MEGF10: variants seen among roughly 807,000 people sequenced by gnomAD.
MEGF10 encodes the protein multiple epidermal growth factor-like domains protein 10.
A neutral mutation model predicts 147.5 loss-of-function variants in MEGF10; 86 were observed. The ratio of observed to expected loss-of-function variants is 0.58; its 90% CI spans 0.49 to 0.70. The LOEUF (loss-of-function observed/expected upper bound fraction) is 0.70, where lower values mean the gene tolerates loss of function less well. Ranked by LOEUF, MEGF10 falls within the 30% of genes least tolerant of loss-of-function variation. The probability of loss-of-function intolerance (pLI) is 0.00; values close to 1 mark genes in which losing one functional copy is unlikely to be tolerated. For synonymous variants in MEGF10, 478 were observed against 525.5 expected, an observed-to-expected ratio of 0.91 and a Z score of 1.24; for missense variants, 1,329 against 1,487.3, an observed-to-expected ratio of 0.89 and a Z score of 1.75.
chr5:127,419,847 T>A lies in MEGF10; in HGVS notation c.1427-197T>A, dbSNP rs6889554. ...TCCTCGACAGATCACACAACACACA[T>A]GGCTGTTTGGGTCGTCAGGGGTGCC... On this transcript the variant is annotated intron_variant, in intron 11 of 24. Transcript: ENST00000503335. Among the ~76,000 whole-genome samples the A allele has an allele frequency of 4.7e-3, 710 of 152,260 alleles. 7 individuals carry two copies. Among genetic ancestry groups the A allele is most frequent in the African/African-American group, 0.016 (675 of 41,562 alleles).
the MEGF10 span, among the ~76,000 whole-genome samples, chr5:127,241,465 G>A: frequency 0.5 from 76,090 of 151,916 alleles, 19,289 homozygotes; most frequent in Middle Eastern, 0.61. Context: ...CAGATGGGGT[G>A]AAAGGCTCCA....
chr5:127,419,418 C>G (rs1764899921), intron 11 of MEGF10, among the ~76,000 whole-genome samples, 178 bp downstream of exon 11: 2 of 152,170 alleles, frequency 1.3e-5, no homozygotes, highest in Admixed American at 1.3e-4. Context: ...AGGGAAGAGG[C>G]TCACATTAGA....
chr5:127,432,161 T>G (rs1239852064), intron 13 of MEGF10, among the ~76,000 whole-genome samples: 6 of 152,150 alleles, frequency 3.9e-5, no homozygotes, highest in African/African-American at 1.2e-4. Flanking sequence ...TTCTTGCCTA[T>G]TTAATGGCCT....
intron 12 of MEGF10, among the ~76,000 whole-genome samples, chr5:127,421,823 T>G (rs1765016549): frequency 6.6e-6 from 1 of 151,070 alleles, no homozygotes; most frequent in South Asian, 2.1e-4. Context: ...ACTATAATTT[T>G]TAAGATTAGT....
intron 18 of MEGF10, among the ~76,000 whole-genome samples, chr5:127,441,880 G>A (rs1765769363): frequency 6.6e-6 from 1 of 152,130 alleles, no homozygotes; most frequent in Non-Finnish European, 1.5e-5. Context: ...CTAAACCCTA[G>A]GGTATTTTTG....
intron 9 of MEGF10, among the ~76,000 whole-genome samples, chr5:127,414,594 A>G (rs1428935909): frequency 6.6e-6 from 1 of 152,176 alleles, no homozygotes; most frequent in African/African-American, 2.4e-5. Context: ...CTTTGTATAC[A>G]TATATACTGA....
chr5:127,243,482 A>C, the MEGF10 span, among the ~76,000 whole-genome samples: 2 of 152,198 alleles, frequency 1.3e-5, no homozygotes, highest in African/African-American at 4.8e-5. Context: ...GAGTATGTCC[A>C]ATTTTTCTTT....
chr5:127,272,843 T>C, the MEGF10 span, among the ~76,000 whole-genome samples: 1 of 152,094 alleles, frequency 6.6e-6, no homozygotes, highest in Non-Finnish European at 1.5e-5. Flanking sequence ...GATGATAGGG[T>C]TTTCTAGATA....
intron 1 of MEGF10, among the ~76,000 whole-genome samples, chr5:127,324,943 T>G (rs1180676775): frequency 6.6e-6 from 1 of 152,170 alleles, no homozygotes. Context: ...TTTATCCAGG[T>G]GTGATGCTGA....
In MEGF10 at chr5:127,383,805, G is replaced by A. The variant is rs188353808; in HGVS notation, c.413-12727G>A. ...AGTTAAGTCTCTGCTGTGGGTACAT[G>A]AGCCTTTGTTATAGCATTATTCGTA... is the stretch of plus-strand genomic sequence containing the variant. On this transcript the variant is annotated intron_variant, in intron 5 of 24. Transcript: ENST00000503335. Among the ~76,000 whole-genome samples the A allele has an allele frequency of 6.5e-3, 984 of 152,232 alleles. 10 individuals are homozygous for A. Among genetic ancestry groups the A allele is most frequent in the African/African-American group, 0.022 (930 of 41,532 alleles).
Position 127,340,565 on chromosome 5 carries a change from A to G in MEGF10, c.254A>G (p.Lys85Arg). The G allele has an allele frequency of 6.2e-7, 1 of 1,612,968 alleles. No homozygotes were observed. Among genetic ancestry groups the G allele is most frequent in the Non-Finnish European group, 8.5e-7 (1 of 1,179,160 alleles). ...SYRTAYRHGE[K>R]TMYRRKSQCC... ...CGGACAGCCTATCGACATGGGGAGA[A>G]GACTATGTATAGGCGCAAGTCTCAG... The change falls in exon 4 of 25, where the codon AAG becomes AGG. Residue 85 changes from lysine (K) to arginine (R), a missense_variant. Coordinates refer to ENST00000503335, the MANE Select transcript of MEGF10 (RefSeq NM_001256545.2).
intron 5 of MEGF10, among the ~76,000 whole-genome samples, chr5:127,392,939 C>T (rs1763757402): frequency 6.6e-6 from 1 of 152,158 alleles, no homozygotes; most frequent in South Asian, 2.1e-4. Context: ...GGGCATCTTG[C>T]ATCTGAGAGC....
the MEGF10 span, among the ~76,000 whole-genome samples, chr5:127,244,276 G>A: frequency 5.3e-5 from 8 of 150,714 alleles, no homozygotes; most frequent in African/African-American, 7.3e-5. Flanking sequence ...ACAGTCAAGA[G>A]GCAGGAAAGA....
rs184090323 is a variant in MEGF10 at position 127,365,350 on chromosome 5, C to T, written c.320-4560C>T. ...TTTTTTGCCATCCCTAGGTGAAAAT[C>T]CAAAGGGAATTGTATGTGGCAGAAG... On this transcript the variant is annotated intron_variant, in intron 4 of 24. Coordinates refer to ENST00000503335, the MANE Select transcript of MEGF10 (RefSeq NM_001256545.2). 4.1e-3 allele frequency among the ~76,000 whole-genome samples: 625 copies of T among 152,244 alleles called. 8 individuals are homozygous for T. The highest frequency in any genetic ancestry group is 5.6e-3 in the Non-Finnish European group (384 of 68,024).
chr5:127,296,795 A>G (rs1759521571), intron 1 of MEGF10, among the ~76,000 whole-genome samples: 1 of 152,248 alleles, frequency 6.6e-6, no homozygotes, highest in Admixed American at 6.5e-5. Flanking sequence ...TTGGTGGCAC[A>G]GAAGACTAAT....
intron 1 of MEGF10, among the ~76,000 whole-genome samples, chr5:127,315,798 AC>A (rs1368912068): frequency 1.3e-5 from 2 of 151,906 alleles, no homozygotes; most frequent in Admixed American, 6.6e-5. Flanking sequence ...AAACAAAATA[AC>A]CCTTTTTCTT....
the MEGF10 span, among the ~76,000 whole-genome samples, chr5:127,252,682 GAGAC>G: frequency 6.6e-6 from 1 of 151,872 alleles, no homozygotes; most frequent in African/African-American, 2.4e-5. Flanking sequence ...TAGGGTGAGA[GAGAC>G]AGACTGCATT....
chr5:127,441,317 C>T (rs1765750304), intron 18 of MEGF10, among the ~76,000 whole-genome samples: 1 of 152,216 alleles, frequency 6.6e-6, no homozygotes, highest in Non-Finnish European at 1.5e-5. Context: ...TCCATGCAAA[C>T]ATTGCCACCC....
At chr5:127,427,817 A>G (rs1765254450) in intron 13 of MEGF10, among the ~76,000 whole-genome samples, 1 of 152,206 alleles carries the variant, frequency 6.6e-6, no homozygotes, top group African/African-American at 2.4e-5. Context: ...AGTTGGAGGT[A>G]ATAACTTTAG....
Sources: gnomAD v4.1 joint callset for allele counts (sites outside exome capture counted in the v4.1 genomes callset) on GRCh38, gnomAD v4.1.1 for gene constraint, MANE v1.5 for transcripts, NCBI Gene and HGNC (gene_info 2026-07-23, HGNC 2026-07-21) for gene names.